Variants in KIF3C observed in about 807,000 individuals in gnomAD.
KIF3C encodes the protein kinesin-like protein KIF3C.
In KIF3C, 12 loss-of-function variants were observed where a neutral mutation model predicts 67.7. That is an observed-to-expected ratio of 0.18 (90% confidence interval 0.11 to 0.29). KIF3C has a LOEUF of 0.29. Ranked by LOEUF, KIF3C falls within the 10% of genes least tolerant of loss-of-function variation. The pLI is 1.00. For synonymous variants in KIF3C, 393 were observed against 426.2 expected (o/e 0.92, Z 0.96); for missense variants, 789 against 1,059.6 (o/e 0.74, Z 3.55).
intron 5 of KIF3C, among the ~76,000 whole-genome samples, chr2:25,940,936 G>A (rs1239199856): frequency 2.0e-5 from 3 of 151,868 alleles, no homozygotes; most frequent in African/African-American, 4.8e-5. Context: ...TACAGGCGTG[G>A]GCCACCACAC....
chr2:25,953,592 C>T (rs1338616820), intron 4 of KIF3C, among the ~76,000 whole-genome samples: 1 of 151,750 alleles, frequency 6.6e-6, no homozygotes, highest in African/African-American at 2.4e-5. Flanking sequence ...GATCTCCTGA[C>T]CTCGTGATCC....
intron 2 of KIF3C, among the ~76,000 whole-genome samples, chr2:25,956,108 G>A (rs1266241749): frequency 2.0e-5 from 3 of 152,230 alleles, no homozygotes; most frequent in Admixed American, 2.0e-4. Flanking sequence ...CAGGTGGCTT[G>A]TGGAGGCTGA....
At chr2:25,963,232 G>C in intron 1 of KIF3C, among the ~76,000 whole-genome samples, 1 of 99,542 alleles carries the variant, frequency 1.0e-5, no homozygotes, top group South Asian at 3.2e-4. Context: ...TAAAGATAGA[G>C]TCTCACTCTG....
At chr2:25,971,968 C>A (rs1319943540) in intron 1 of KIF3C, among the ~76,000 whole-genome samples, 2 of 144,666 alleles carry the variant, frequency 1.4e-5, no homozygotes, top group Non-Finnish European at 3.0e-5. Flanking sequence ...CTCAAGTGAT[C>A]CTCCTACCTC....
intron 4 of KIF3C, among the ~76,000 whole-genome samples, 190 bp from the exon 5 acceptor site, chr2:25,952,095 T>G (rs1260129137): frequency 6.6e-6 from 1 of 152,154 alleles, no homozygotes; most frequent in East Asian, 1.9e-4. Flanking sequence ...ATCAAGACCA[T>G]CCTGGCTAAC....
chr2:25,976,113 TTCTC>T (rs1664407808), intron 1 of KIF3C, among the ~76,000 whole-genome samples: 1 of 152,200 alleles, frequency 6.6e-6, no homozygotes. Context: ...GCTTGAAACA[TTCTC>T]TCTTGCATTT....
chr2:25,961,761 A>G (rs1663949169), intron 1 of KIF3C, among the ~76,000 whole-genome samples: 1 of 152,146 alleles, frequency 6.6e-6, no homozygotes, highest in Non-Finnish European at 1.5e-5. Flanking sequence ...CTGCATCTCC[A>G]GAGACATAAA....
At chr2:25,946,618 G>A (rs1395755716) in intron 5 of KIF3C, among the ~76,000 whole-genome samples, 1 of 152,180 alleles carries the variant, frequency 6.6e-6, no homozygotes, top group Non-Finnish European at 1.5e-5. Flanking sequence ...AACCCGGGAG[G>A]CGGAGGTTGC....
At chr2:25,963,011 AAT>A (rs1322720769) in intron 1 of KIF3C, among the ~76,000 whole-genome samples, 852 of 44,250 alleles carry the variant, frequency 0.019, 55 homozygotes, top group East Asian at 0.087. Context: ...TATAATATAT[AAT>A]ATATATAATA....
chr2:25,981,476 T>C lies in KIF3C; in HGVS notation c.442A>G (p.Ile148Val). 6.2e-7 allele frequency: 1 copy of C among 1,613,958 alleles called. No individual in the cohort carries two copies. Among genetic ancestry groups the C allele is most frequent in the South Asian group, 1.1e-5 (1 of 91,072 alleles). The stretch of plus-strand genomic sequence containing the variant: ...AGGTCTCGAATCTCTTCCTGGTAGA[T>C]CTCCAAATAGGAGGCCCGGACCAGG... ...QYLVRASYLE[I>V]YQEEIRDLLS... Residue 148 changes from isoleucine to valine, a missense_variant, in exon 1 of 8, where the codon ATC (isoleucine) becomes GTC (valine). This residue lies in a region of KIF3C where 141 missense variants were observed against 251.8 expected (regional missense o/e 0.56). Coordinates refer to ENST00000264712, the MANE Select transcript of KIF3C (RefSeq NM_002254.8). This position sits in a 1 kb window ranked among gnomAD's most constrained non-coding sequence, Gnocchi z 8.2.
Position 25,928,785 on chromosome 2 carries a change from A to G in KIF3C, c.*193T>C. On this transcript the variant is annotated 3_prime_UTR_variant, in exon 8 of 8. Coordinates refer to ENST00000264712, the MANE Select transcript of KIF3C (RefSeq NM_002254.8). ...TCCCCAACACGAACAGAGCTCCGCGAATAAATAACATGAATTAAATAAAGG... is the reference window on the plus strand; with the variant it reads ...TCCCCAACACGAACAGAGCTCCGCGGATAAATAACATGAATTAAATAAAGG... The G allele has an allele frequency of 3.6e-6, 2 of 559,170 alleles. No individual in the cohort carries two copies. The highest frequency in any genetic ancestry group is 2.1e-5 in the South Asian group (1 of 46,522). 34.6% of individuals were successfully genotyped at this position (559,170 alleles called of 1,614,324 possible).
chr2:25,942,883 C>T (rs1663331957), intron 5 of KIF3C, among the ~76,000 whole-genome samples: 1 of 152,142 alleles, frequency 6.6e-6, no homozygotes, highest in African/African-American at 2.4e-5. Context: ...AGCTGCCTGA[C>T]AACTCCTTGT....
chr2:25,935,367 A>G (rs564531326), intron 5 of KIF3C, among the ~76,000 whole-genome samples: 9 of 152,122 alleles, frequency 5.9e-5, no homozygotes, highest in Non-Finnish European at 1.0e-4. Flanking sequence ...GTATTTGCTG[A>G]AGCCTTTTTT....
At chr2:25,937,412 A>G (rs1051163838) in intron 5 of KIF3C, among the ~76,000 whole-genome samples, 1 of 152,184 alleles carries the variant, frequency 6.6e-6, no homozygotes, top group Non-Finnish European at 1.5e-5. Flanking sequence ...AAGGAAAGAT[A>G]AGGCTCCAGA....
chr2:25,981,209 T>C lies in KIF3C; in HGVS notation c.709A>G (p.Ile237Val), dbSNP rs1664582322. 1 of 1,614,158 alleles carries C rather than the reference T, an allele frequency of 6.2e-7. No homozygotes were observed. Among genetic ancestry groups the C allele is most frequent in the African/African-American group, 1.3e-5 (1 of 75,054 alleles). The stretch of plus-strand genomic sequence containing the variant: ...ACGAGGTTGAGCTTGCCCACTCGGA[T>C]GTGGTCCTGGCCATCAGAGCCACGT... ...SERGSDGQDH[I>V]RVGKLNLVDL... The change falls in exon 1 of 8, where the codon ATC (isoleucine) becomes GTC (valine). Residue 237 changes from isoleucine to valine, a missense_variant. Ile to Val is a conservative substitution (Grantham distance 29). Coordinates refer to ENST00000264712, the MANE Select transcript of KIF3C (RefSeq NM_002254.8). This position sits in a 1 kb window ranked among gnomAD's most constrained non-coding sequence, Gnocchi z 8.2.
At position 25,955,284 on chromosome 2, in the gene KIF3C, G is replaced by T. The variant is rs1259473647; in HGVS notation, c.1770+257C>A. 6.6e-6 allele frequency among the ~76,000 whole-genome samples: 1 copy of T among 152,128 alleles called. No homozygotes were observed. The highest frequency in any genetic ancestry group is 2.4e-5 in the African/African-American group (1 of 41,432). On this transcript the variant is annotated intron_variant, in intron 3 of 7. Coordinates refer to ENST00000264712, the MANE Select transcript of KIF3C (RefSeq NM_002254.8). The surrounding 1 kb of genome is among the most constrained non-coding windows in gnomAD (Gnocchi z 5.0). ...CGGGGTAATCACCCAGGACCATGAA[G>T]ATGGTAACGCTGGATACTGCAAGTG...
intron 5 of KIF3C, among the ~76,000 whole-genome samples, chr2:25,933,015 C>G (rs537536013): frequency 1.1e-4 from 16 of 152,116 alleles, no homozygotes; most frequent in African/African-American, 3.9e-4. Flanking sequence ...CTTTGGGAGC[C>G]CAAGGCAGGT....
At chr2:25,950,887 T>G (rs2149231106) in intron 5 of KIF3C, among the ~76,000 whole-genome samples, 1 of 132,234 alleles carries the variant, frequency 7.6e-6, no homozygotes, top group South Asian at 2.3e-4. Context: ...ATCTAAGCTA[T>G]AGTTGTTAAA....
intron 4 of KIF3C, 146 bp downstream of exon 4, chr2:25,954,121 G>C: frequency 4.4e-6 from 3 of 688,306 alleles, no homozygotes; most frequent in Non-Finnish European, 7.9e-6. Context: ...CCAGCACGTG[G>C]GCCCATCCCT....
Sources: gnomAD v4.1 joint callset for allele counts (sites outside exome capture counted in the v4.1 genomes callset) on GRCh38, gnomAD v4.1.1 for gene constraint, gnomAD v4.1.1 regional missense constraint, Gnocchi (gnomAD v3.1) non-coding constraint, MANE v1.5 for transcripts, NCBI Gene and HGNC (gene_info 2026-07-23, HGNC 2026-07-21) for gene names.